The following GATAD2B variants were observed in gnomAD, a reference collection of about 807,000 sequenced individuals.
GATAD2B encodes GATA zinc finger domain containing 2B, also known as transcriptional repressor p66-beta.
A neutral mutation model predicts 64.3 loss-of-function variants in GATAD2B; 8 were observed. The observed-to-expected ratio is 0.12, with a 90% CI of 0.07 to 0.22. GATAD2B has a LOEUF of 0.22. GATAD2B is among the 10% of genes least tolerant of loss of function. The probability of loss-of-function intolerance (pLI) is 1.00; values close to 1 mark genes in which losing one functional copy is unlikely to be tolerated. For missense variants in GATAD2B, 453 were observed against 752.0 expected (o/e 0.60, Z 4.65); for synonymous variants, 281 against 271.3 (o/e 1.04, Z -0.35).
Position 153,837,381 on chromosome 1 carries a change from A to C in GATAD2B, c.-1-9033T>G, listed in dbSNP as rs12126993. On this transcript the variant is annotated intron_variant, in intron 1 of 10. Transcript: ENST00000368655. ...AAACCCCAAAAACAAAACAAACAAA[A>C]AAAAAAACACAGTAGAATAGAGGTT... Among the ~76,000 whole-genome samples the C allele has an allele frequency of 1.9e-3, 271 of 143,232 alleles. 2 individuals are homozygous for C. Among genetic ancestry groups the C allele is most frequent in the African/African-American group, 6.7e-3 (230 of 34,580 alleles). 94.0% of individuals were successfully genotyped at this position (143,232 alleles called of 152,430 possible). A position where few individuals can be genotyped will look rare whatever the true frequency, so the allele number is the denominator to read the frequency against.
chr1:153,909,110 C>T (rs910851040), intron 1 of GATAD2B, among the ~76,000 whole-genome samples: 6 of 152,078 alleles, frequency 3.9e-5, no homozygotes, highest in African/African-American at 1.2e-4. Context: ...GAGACTAAGG[C>T]GCAAGAATCA....
At chr1:153,890,719 C>T (rs531316427) in intron 1 of GATAD2B, 3 of 152,284 alleles carry the variant, frequency 2.0e-5, no homozygotes, top group African/African-American at 7.2e-5. Flanking sequence ...GAGTACTAAA[C>T]ACCATGTTGG....
chr1:153,844,335 T>C (rs552433616), intron 1 of GATAD2B, among the ~76,000 whole-genome samples: 76 of 149,764 alleles, frequency 5.1e-4, no homozygotes, highest in African/African-American at 1.4e-3. Flanking sequence ...TCGGGTAGAG[T>C]GCACAGGAAA....
chr1:153,891,736 T>C (rs1340875289), intron 1 of GATAD2B, among the ~76,000 whole-genome samples: 1 of 151,582 alleles, frequency 6.6e-6, no homozygotes, highest in Non-Finnish European at 1.5e-5. Flanking sequence ...TTTTTTACTG[T>C]AAACTTTTTC....
chr1:153,878,774 C>CTTTTTT (rs71093297), intron 1 of GATAD2B, among the ~76,000 whole-genome samples: 2 of 108,126 alleles, frequency 1.8e-5, no homozygotes, highest in Non-Finnish European at 3.5e-5. Flanking sequence ...TACTTTATTC[C>CTTTTTT]TTTTTTTTTT....
At chr1:153,814,860 C>T (rs1274088180) in intron 7 of GATAD2B, among the ~76,000 whole-genome samples, 1 of 151,606 alleles carries the variant, frequency 6.6e-6, no homozygotes, top group Admixed American at 6.6e-5. Context: ...CCTGTAATCC[C>T]AGCTACTCAG....
Position 153,807,095 on chromosome 1 carries a change from C to A in GATAD2B, c.*3082G>T, listed in dbSNP as rs1343281082. Reference sequence around the variant, plus strand: ...CTCTGTCCCCTAGTTTTACTCAAGCCTTACCGCTATTCCACCCATTTCAGG... The same window carrying A: ...CTCTGTCCCCTAGTTTTACTCAAGCATTACCGCTATTCCACCCATTTCAGG... On this transcript the variant is annotated 3_prime_UTR_variant, in exon 11 of 11. Coordinates refer to ENST00000368655, the MANE Select transcript of GATAD2B (RefSeq NM_020699.4). 6.6e-6 allele frequency: 1 copy of A among 152,124 alleles called. No homozygotes were observed. The highest frequency in any genetic ancestry group is 1.5e-5 in the Non-Finnish European group (1 of 68,022). The allele number at this position is 152,124 out of a possible 1,614,324, so 9.4% of individuals were successfully genotyped here. A position where few individuals can be genotyped will look rare whatever the true frequency, so the allele number is the denominator to read the frequency against.
chr1:153,887,631 G>A lies in GATAD2B; in HGVS notation c.-2+35102C>T, dbSNP rs77676965. On this transcript the variant is annotated intron_variant, in intron 1 of 10. Coordinates refer to ENST00000368655, the MANE Select transcript of GATAD2B (RefSeq NM_020699.4). ...ATTTTATTTTTTTTAAAGAGACAAG[G>A]TTTCGCTGTGTTGTCCCAGTGGCTG... 1.2e-3 allele frequency among the ~76,000 whole-genome samples: 179 copies of A among 152,152 alleles called. No homozygotes were observed. In the East Asian group the frequency reaches 0.032, roughly 27 times the overall value.
At chr1:153,905,981 C>T (rs1379791716) in intron 1 of GATAD2B, among the ~76,000 whole-genome samples, 6 of 150,364 alleles carry the variant, frequency 4.0e-5, no homozygotes, top group African/African-American at 7.3e-5. Context: ...ACAGGAGAAT[C>T]GCTTGAAACT....
At chr1:153,845,060 G>T (rs942852186) in intron 1 of GATAD2B, among the ~76,000 whole-genome samples, 1 of 152,108 alleles carries the variant, frequency 6.6e-6, no homozygotes, top group African/African-American at 2.4e-5. Flanking sequence ...TATTGTAACT[G>T]CATTCCATAT....
chr1:153,922,184 T>C (rs1341198810), intron 1 of GATAD2B, among the ~76,000 whole-genome samples: 3 of 151,356 alleles, frequency 2.0e-5, no homozygotes, highest in Non-Finnish European at 2.9e-5. Context: ...ATCTGGTGCT[T>C]CCTTTACCCT....
intron 1 of GATAD2B, among the ~76,000 whole-genome samples, chr1:153,870,429 C>T (rs543362053): frequency 1.3e-5 from 2 of 152,024 alleles, no homozygotes; most frequent in Non-Finnish European, 2.9e-5. Context: ...AAAAATTAGC[C>T]GGACGTGGTG....
intron 1 of GATAD2B, among the ~76,000 whole-genome samples, chr1:153,895,557 G>A (rs1336169851): frequency 6.6e-6 from 1 of 151,468 alleles, no homozygotes; most frequent in Admixed American, 6.6e-5. Flanking sequence ...TCTAGCCTGG[G>A]CAACAGAGTG....
At chr1:153,834,571 G>T (rs983652660) in intron 1 of GATAD2B, among the ~76,000 whole-genome samples, 1 of 151,630 alleles carries the variant, frequency 6.6e-6, no homozygotes, top group Admixed American at 6.6e-5. Flanking sequence ...TGTATTTTTA[G>T]TAGAGAAAGG....
Position 153,810,050 on chromosome 1 carries a change from G to GT in GATAD2B, c.*126dup. The GT allele has an allele frequency of 1.1e-6, 1 of 895,688 alleles. No homozygotes were observed. Among genetic ancestry groups the GT allele is most frequent in the Non-Finnish European group, 1.7e-6 (1 of 593,570 alleles). 55.5% of individuals were successfully genotyped at this position (895,688 alleles called of 1,614,324 possible). On this transcript the variant is annotated 3_prime_UTR_variant, in exon 11 of 11. Transcript: ENST00000368655. ...TGCTGATCTCTATTTTTTGTCTTCTGTTTTTCTGTTTTGCTTTCCGTGTAT... is the reference window on the plus strand; with the variant it reads ...TGCTGATCTCTATTTTTTGTCTTCTGTTTTTTCTGTTTTGCTTTCCGTGTAT...
chr1:153,875,676 T>C (rs912446185), intron 1 of GATAD2B, among the ~76,000 whole-genome samples: 1 of 107,852 alleles, frequency 9.3e-6, no homozygotes, highest in Admixed American at 1.1e-4. Context: ...TACCACGAGT[T>C]TGGAGGGAAA....
chr1:153,827,153 T>C (rs1204268859), intron 2 of GATAD2B, among the ~76,000 whole-genome samples: 1 of 100,038 alleles, frequency 1.0e-5, no homozygotes, highest in Admixed American at 1.2e-4. Context: ...GGGTGGGGTG[T>C]GGGTTGGGGT....
At chr1:153,899,031 TAC>T (rs1486946579) in intron 1 of GATAD2B, 1 of 151,588 alleles carries the variant, frequency 6.6e-6, no homozygotes, top group Admixed American at 6.6e-5. Flanking sequence ...TCAAAACTTT[TAC>T]ACTTAGACTA....
rs532100853 is a variant in GATAD2B at position 153,851,382 on chromosome 1, G to A, written c.-1-23034C>T. On this transcript the variant is annotated intron_variant, in intron 1 of 10. Coordinates refer to ENST00000368655, the MANE Select transcript of GATAD2B (RefSeq NM_020699.4). ...CTCCATACTGTTTTCCATAGTGGCC[G>A]CTTGTACCATTTTGCATTCCCACCA... Among the ~76,000 whole-genome samples the A allele has an allele frequency of 7.9e-5, 12 of 152,104 alleles. No homozygotes were observed. The South Asian group carries it at 2.1e-3, about 26-fold the overall frequency.
Sources: gnomAD v4.1 joint callset for allele counts (sites outside exome capture counted in the v4.1 genomes callset) on GRCh38, gnomAD v4.1.1 for gene constraint, MANE v1.5 for transcripts, NCBI Gene and HGNC (gene_info 2026-07-23, HGNC 2026-07-21) for gene names.